Variants in LRRC49 observed in about 807,000 individuals in gnomAD.
LRRC49 encodes the protein leucine-rich repeat-containing protein 49.
In LRRC49, 50 loss-of-function variants were observed where a neutral mutation model predicts 83.3. That is an observed-to-expected ratio of 0.60 (90% CI 0.48 to 0.76). The LOEUF is 0.76. Among genes scored for constraint, LRRC49 ranks in the 30% least tolerant of loss-of-function variants. LRRC49 has a pLI of 0.00. For synonymous variants in LRRC49, 286 were observed against 283.3 expected (o/e 1.01, Z -0.10); for missense variants, 704 against 809.1 (o/e 0.87, Z 1.58).
intron 11 of LRRC49, among the ~76,000 whole-genome samples, chr15:70,993,998 C>G (rs1379362282): frequency 1.3e-5 from 2 of 152,024 alleles, no homozygotes; most frequent in African/African-American, 4.8e-5. Context: ...AGGTGCCCAC[C>G]ACCACACCTG....
chr15:71,042,443 A>G (rs911826287), intron 15 of LRRC49, among the ~76,000 whole-genome samples: 1 of 152,172 alleles, frequency 6.6e-6, no homozygotes, highest in Non-Finnish European at 1.5e-5. Context: ...ATTTGGAAAG[A>G]AACACTAATC....
chr15:70,901,023 A>G lies in LRRC49; in HGVS notation c.295A>G (p.Arg99Gly). 6.4e-7 allele frequency: 1 copy of G among 1,574,160 alleles called. No homozygotes were observed. Among genetic ancestry groups the G allele is most frequent in the Non-Finnish European group, 8.7e-7 (1 of 1,152,924 alleles). Reference sequence around the variant, plus strand: ...TTACTCAGACAGGTTGAGCCTAGAAAGGTGAGGACAATTTCTTTTCTTTTC... The same window carrying G: ...TTACTCAGACAGGTTGAGCCTAGAAGGGTGAGGACAATTTCTTTTCTTTTC... ...ILYSDRLSLE[R>G]QKLTVCPIIN... The change falls in exon 4 of 16, where the codon AGA (arginine) becomes GGA (glycine). Residue 99 changes from arginine (R) to glycine (G), a missense_variant and splice_region_variant. Physicochemically the swap from Arg to Gly is moderately radical, Grantham distance 125. This residue lies in a region of LRRC49 where 261 missense variants were observed against 330.5 expected (regional missense o/e 0.79). Transcript: ENST00000260382.
intron 11 of LRRC49, among the ~76,000 whole-genome samples, chr15:70,991,260 G>A (rs766932817): frequency 6.6e-6 from 1 of 152,104 alleles, no homozygotes; most frequent in Admixed American, 6.5e-5. Context: ...TCTTAGAAAA[G>A]CATATTGGAA....
At chr15:70,960,334 C>G (rs1268116462) in intron 8 of LRRC49, among the ~76,000 whole-genome samples, 2 of 152,112 alleles carry the variant, frequency 1.3e-5, no homozygotes, top group African/African-American at 2.4e-5. Flanking sequence ...ATCAATCTGT[C>G]AAAATCTTGG....
intron 9 of LRRC49, among the ~76,000 whole-genome samples, chr15:70,973,195 G>C (rs1021410990): frequency 6.6e-6 from 1 of 152,150 alleles, no homozygotes. Context: ...TGTTGATGTT[G>C]ATGCTATTGC....
chr15:70,965,081 C>T (rs1273474183), intron 9 of LRRC49, among the ~76,000 whole-genome samples: 2 of 152,106 alleles, frequency 1.3e-5, no homozygotes, highest in Admixed American at 6.6e-5. Flanking sequence ...AGTGTCAACA[C>T]TGTTTCATAT....
intron 4 of LRRC49, among the ~76,000 whole-genome samples, chr15:70,903,167 T>A (rs1215359836): frequency 6.6e-6 from 1 of 152,082 alleles, no homozygotes; most frequent in Non-Finnish European, 1.5e-5. Context: ...AAAAGTGAGA[T>A]GATTTAAATT....
rs897699188 is a variant in LRRC49, at chr15:70,934,956, G to A, written c.712-1805G>A. Among the ~76,000 whole-genome samples the A allele has an allele frequency of 4.6e-5, 7 of 152,296 alleles. No homozygotes were observed. The East Asian group carries it at 1.4e-3, about 29-fold the overall frequency. On this transcript the variant is annotated intron_variant, in intron 7 of 15. Coordinates refer to ENST00000260382, the MANE Select transcript of LRRC49 (RefSeq NM_017691.5). ...CATGTTTCTAGAGACCAGATAGGCA[G>A]CAGGCTGCCATTTCCTTTGGAAACT... is the stretch of plus-strand genomic sequence containing the variant.
intron 8 of LRRC49, among the ~76,000 whole-genome samples, chr15:70,951,330 G>GA (rs1037691686): frequency 3.3e-5 from 5 of 152,048 alleles, no homozygotes; most frequent in African/African-American, 1.2e-4. Context: ...GAATGGCACT[G>GA]AATCTGTAAA....
chr15:71,033,492 C>T (rs1357525476), intron 14 of LRRC49, among the ~76,000 whole-genome samples: 1 of 152,160 alleles, frequency 6.6e-6, no homozygotes, highest in Non-Finnish European at 1.5e-5. Flanking sequence ...AATGCTACTT[C>T]CATTAAACTA....
intron 3 of LRRC49, chr15:70,900,360 A>G (rs1352275475): frequency 2.4e-6 from 1 of 415,416 alleles, no homozygotes; most frequent in African/African-American, 2.0e-5. Flanking sequence ...ATAGTGGCTG[A>G]ACTTACAAAG....
intron 7 of LRRC49, among the ~76,000 whole-genome samples, chr15:70,931,138 A>G (rs1326005761): frequency 6.6e-6 from 1 of 152,114 alleles, no homozygotes; most frequent in Non-Finnish European, 1.5e-5. Flanking sequence ...CTAGCTTTTG[A>G]TTTTAAGTGA....
intron 14 of LRRC49, among the ~76,000 whole-genome samples, chr15:71,027,411 G>T (rs557447537): frequency 6.6e-6 from 1 of 152,230 alleles, no homozygotes; most frequent in South Asian, 2.1e-4. Context: ...GCTTAGGATT[G>T]CCTTGCCTAT....
At chr15:70,942,736 G>A (rs2035864633) in intron 8 of LRRC49, among the ~76,000 whole-genome samples, 1 of 152,110 alleles carries the variant, frequency 6.6e-6, no homozygotes, top group Non-Finnish European at 1.5e-5. Context: ...ACATTTTAGG[G>A]AGGCACGAGA....
intron 12 of LRRC49, 33 bp downstream of exon 12, chr15:71,008,649 A>G (rs532443881): frequency 1.3e-6 from 2 of 1,482,778 alleles, no homozygotes; most frequent in Non-Finnish European, 1.9e-6. Flanking sequence ...ATATTTGAAT[A>G]TTCTTAGTCA....
intron 8 of LRRC49, among the ~76,000 whole-genome samples, chr15:70,955,306 G>T (rs970507275): frequency 6.6e-6 from 1 of 152,152 alleles, no homozygotes; most frequent in African/African-American, 2.4e-5. Context: ...AGAAGGCATT[G>T]TTATCTTAGG....
chr15:70,984,750 G>A (rs1463143774), intron 11 of LRRC49, among the ~76,000 whole-genome samples: 1 of 149,566 alleles, frequency 6.7e-6, no homozygotes. Context: ...TTTAGCATTA[G>A]GTATATCTCC....
intron 2 of LRRC49, among the ~76,000 whole-genome samples, chr15:70,886,217 T>C (rs112873014): frequency 6.6e-6 from 1 of 152,298 alleles, no homozygotes; most frequent in African/African-American, 2.4e-5. Context: ...TATATTAGGA[T>C]AGGAAAATTA....
At chr15:70,924,097 A>G (rs920229649) in intron 7 of LRRC49, among the ~76,000 whole-genome samples, 1 of 151,906 alleles carries the variant, frequency 6.6e-6, no homozygotes, top group Non-Finnish European at 1.5e-5. Flanking sequence ...TCTTTAATCT[A>G]GAAGAGTCTT....
Sources: allele counts gnomAD v4.1 joint callset (sites outside exome capture counted in the v4.1 genomes callset), GRCh38; gene constraint gnomAD v4.1.1; regional missense constraint gnomAD v4.1.1; transcripts MANE v1.5; gene names NCBI Gene and HGNC (gene_info 2026-07-23, HGNC 2026-07-21).